Variants in SEPTIN11 observed in about 807,000 individuals in gnomAD.
SEPTIN11 encodes septin 11, also known as septin-11.
Under a neutral mutation model 51.4 loss-of-function variants are expected in SEPTIN11, and 25 were observed. The observed-to-expected ratio is 0.49, with a 90% CI of 0.35 to 0.68. The LOEUF (loss-of-function observed/expected upper bound fraction) is 0.68. Among genes scored for constraint, SEPTIN11 ranks in the 30% least tolerant of loss-of-function variants. The pLI, the probability that SEPTIN11 is intolerant of heterozygous loss-of-function variation, is 0.00. For missense variants in SEPTIN11, 381 were observed against 520.8 expected, an observed-to-expected ratio of 0.73 and a Z score of 2.61; for synonymous variants, 174 against 184.1, an observed-to-expected ratio of 0.95 and a Z score of 0.44.
chr4:76,986,904 ATT>A (rs1723062025), intron 1 of SEPTIN11, among the ~76,000 whole-genome samples: 1 of 152,206 alleles, frequency 6.6e-6, no homozygotes, highest in East Asian at 1.9e-4. Context: ...AAACAAAACA[ATT>A]AAAAGGTAAC....
chr4:77,023,898 T>C (rs1725918484), intron 7 of SEPTIN11, among the ~76,000 whole-genome samples: 1 of 152,174 alleles, frequency 6.6e-6, no homozygotes, highest in Non-Finnish European at 1.5e-5. Context: ...ATCTTCCGTG[T>C]GAATTTAGGC....
chr4:77,026,729 A>G (rs2109979603), intron 7 of SEPTIN11, among the ~76,000 whole-genome samples: 1 of 152,350 alleles, frequency 6.6e-6, no homozygotes, highest in African/African-American at 2.4e-5. Flanking sequence ...TCATTATTCT[A>G]AAATCAACAA....
chr4:77,007,296 C>T (rs933103252), intron 3 of SEPTIN11, among the ~76,000 whole-genome samples: 3 of 152,220 alleles, frequency 2.0e-5, no homozygotes, highest in African/African-American at 7.2e-5. Context: ...ATCTCTCAGA[C>T]TGGTATAGAT....
At chr4:76,991,610 G>A (rs905266662) in intron 1 of SEPTIN11, among the ~76,000 whole-genome samples, 13 of 152,200 alleles carry the variant, frequency 8.5e-5, no homozygotes, top group Non-Finnish European at 4.4e-5. Flanking sequence ...TCTGCAAGCT[G>A]GGCTTTTGTT....
intron 1 of SEPTIN11, among the ~76,000 whole-genome samples, chr4:76,983,153 C>G (rs1722849970): frequency 6.6e-6 from 1 of 152,146 alleles, no homozygotes; most frequent in African/African-American, 2.4e-5. Flanking sequence ...TAGGTTATGG[C>G]ACAGCTGTCG....
chr4:76,967,790 T>G (rs1722091741), intron 1 of SEPTIN11, among the ~76,000 whole-genome samples: 1 of 152,136 alleles, frequency 6.6e-6, no homozygotes, highest in Non-Finnish European at 1.5e-5. Context: ...TTTGAACAAT[T>G]TAAGCTTTTT....
At chr4:77,004,689 G>A (rs917509381) in intron 2 of SEPTIN11, among the ~76,000 whole-genome samples, 16 of 152,178 alleles carry the variant, frequency 1.1e-4, no homozygotes, top group African/African-American at 3.9e-4. Context: ...GTAGCCGGGC[G>A]TGGTGGCTCA....
chr4:76,981,081 C>T (rs746023360), intron 1 of SEPTIN11, among the ~76,000 whole-genome samples: 4 of 152,180 alleles, frequency 2.6e-5, no homozygotes, highest in African/African-American at 9.6e-5. Context: ...TGACCCAAAC[C>T]TTTTGTGCTT....
At position 77,005,717 on chromosome 4, in the gene SEPTIN11, C is replaced by A. The variant is rs1015164929; in HGVS notation, c.259C>A (p.Leu87Ile). Reference protein sequence around the residue: ...GVRLKARSYELQESNVRLKLT... With the variant: ...GVRLKARSYEIQESNVRLKLT... ...TCGGTTAAAAGCCAGAAGTTATGAG[C>A]TTCAGGAAAGCAATGTACGGCTGAA... Residue 87 changes from leucine to isoleucine, a missense_variant, in exon 3 of 10, where the codon CTT (leucine) becomes ATT (isoleucine). This residue lies in a region of SEPTIN11 where 184 missense variants were observed against 207.7 expected (regional missense o/e 0.89). Transcript: ENST00000264893. 1 of 1,614,026 alleles carries A rather than the reference C, an allele frequency of 6.2e-7. No individual in the cohort carries two copies. The highest frequency in any genetic ancestry group is 1.7e-5 in the Admixed American group (1 of 60,012).
rs558090996 is a variant in SEPTIN11, at chr4:76,995,251, G to A, written c.28-1174G>A. On this transcript the variant is annotated intron_variant, in intron 1 of 9. Coordinates refer to ENST00000264893, the MANE Select transcript of SEPTIN11 (RefSeq NM_018243.4). ...ACAAAAATTAGCTGGGCGTGGTGGC[G>A]CGTGCCTATAATCCCAGCTACTCGG... is the stretch of plus-strand genomic sequence containing the variant. Among the ~76,000 whole-genome samples, 77 of 151,766 alleles carry A rather than the reference G, an allele frequency of 5.1e-4. 1 individual carries two copies. Among genetic ancestry groups the A allele is most frequent in the South Asian group, 1.3e-3 (6 of 4,796 alleles).
rs149722958 is a variant in SEPTIN11, at chr4:76,956,993, TGAGAGA to T, written c.27+7072_27+7077del. On this transcript the variant is annotated intron_variant, in intron 1 of 9. Transcript: ENST00000264893. ...GTGTGTGTGTGTGTGTGTGTGTGTG[TGAGAGA>T]GAGAGAGACAGAGACAGAGACAGAG... Among the ~76,000 whole-genome samples the T allele has an allele frequency of 1.5e-3, 144 of 98,558 alleles. 3 individuals are homozygous for T. The highest frequency in any genetic ancestry group is 2.3e-3 in the Non-Finnish European group (92 of 39,824). 64.7% of individuals were successfully genotyped at this position (98,558 alleles called of 152,430 possible). A position where few individuals can be genotyped will look rare whatever the true frequency, so the allele number is the denominator to read the frequency against.
At chr4:76,995,962 G>T (rs1490012055) in intron 1 of SEPTIN11, 2 of 1,533,446 alleles carry the variant, frequency 1.3e-6, no homozygotes, top group African/African-American at 1.4e-5. Flanking sequence ...TGTCATCATT[G>T]TAAGGAGTAT....
At chr4:77,029,337 T>A (rs1726422302) in intron 8 of SEPTIN11, among the ~76,000 whole-genome samples, 1 of 139,174 alleles carries the variant, frequency 7.2e-6, no homozygotes, top group Non-Finnish European at 1.6e-5. Flanking sequence ...TGTATTTGAG[T>A]GTGTGTGTGT....
chr4:76,953,480 A>G (rs1174943295), intron 1 of SEPTIN11, among the ~76,000 whole-genome samples: 1 of 152,214 alleles, frequency 6.6e-6, no homozygotes, highest in East Asian at 1.9e-4. Flanking sequence ...GTGGAGGAGT[A>G]CTGCCAATAA....
intron 5 of SEPTIN11, among the ~76,000 whole-genome samples, chr4:77,017,958 A>C (rs1169142767): frequency 3.3e-5 from 5 of 152,222 alleles, no homozygotes; most frequent in Non-Finnish European, 7.3e-5. Context: ...CGGACTTAGA[A>C]ATTTGTGCAA....
rs183481405 is a variant in SEPTIN11 at position 77,031,123 on chromosome 4, T to C, written c.1274+153T>C. The C allele has an allele frequency of 5.6e-5, 37 of 656,620 alleles. No individual in the cohort carries two copies. In the East Asian group the frequency reaches 1.2e-3, roughly 21 times the overall value. 40.7% of individuals were successfully genotyped at this position (656,620 alleles called of 1,614,324 possible). On this transcript the variant is annotated intron_variant, in intron 9 of 9. Coordinates refer to ENST00000264893, the MANE Select transcript of SEPTIN11 (RefSeq NM_018243.4). ...TACAGTGCAGGGAAGATGATGAAGG[T>C]TTTTAAATTTTTTTAAAAGGTACAC...
At chr4:77,010,128 T>G (rs1724758364) in intron 3 of SEPTIN11, 1 of 152,202 alleles carries the variant, frequency 6.6e-6, no homozygotes, top group Non-Finnish European at 1.5e-5. Flanking sequence ...ATGTATTGGC[T>G]CATTTATTTG....
intron 5 of SEPTIN11, among the ~76,000 whole-genome samples, chr4:77,015,641 G>A (rs1725168018): frequency 6.6e-6 from 1 of 152,192 alleles, no homozygotes; most frequent in South Asian, 2.1e-4. Flanking sequence ...GCTGTGAGCT[G>A]CAATGACTCT....
chr4:77,011,226 C>T (rs1275122692), intron 3 of SEPTIN11, among the ~76,000 whole-genome samples: 1 of 152,114 alleles, frequency 6.6e-6, no homozygotes, highest in Non-Finnish European at 1.5e-5. Flanking sequence ...TATCCTGAAA[C>T]CACACACCAG....
Sources: allele counts gnomAD v4.1 joint callset (sites outside exome capture counted in the v4.1 genomes callset), GRCh38; gene constraint gnomAD v4.1.1; regional missense constraint gnomAD v4.1.1; transcripts MANE v1.5; gene names NCBI Gene and HGNC (gene_info 2026-07-23, HGNC 2026-07-21).